The following ARL15 variants were observed in gnomAD, a reference collection of about 807,000 sequenced individuals.
The protein encoded by ARL15 is ADP-ribosylation factor-like protein 15.
A neutral mutation model predicts 25.2 loss-of-function variants in ARL15; 19 were observed. The observed-to-expected ratio is 0.75, with a 90% confidence interval of 0.53 to 1.10. ARL15 has a LOEUF of 1.10. Among genes scored for constraint, ARL15 ranks in the 50% least tolerant of loss-of-function variants. ARL15 has a pLI of 0.00. For synonymous variants in ARL15, 94 were observed against 86.8 expected, an observed-to-expected ratio of 1.08 and a Z score of -0.46; for missense variants, 220 against 246.0, an observed-to-expected ratio of 0.89 and a Z score of 0.71.
intron 4 of ARL15, among the ~76,000 whole-genome samples, chr5:53,975,992 G>A (rs1747908764): frequency 6.6e-6 from 1 of 152,172 alleles, no homozygotes; most frequent in South Asian, 2.1e-4. Context: ...TTGAAGATTC[G>A]CACATCCTGG....
chr5:54,007,204 T>C (rs1024905574), intron 4 of ARL15, among the ~76,000 whole-genome samples: 2 of 138,502 alleles, frequency 1.4e-5, no homozygotes, highest in Non-Finnish European at 3.2e-5. Context: ...ACTTCAGGTC[T>C]GTGGCTTTCT....
chr5:54,082,249 T>C (rs1751825725), intron 4 of ARL15, among the ~76,000 whole-genome samples: 1 of 152,114 alleles, frequency 6.6e-6, no homozygotes, highest in African/African-American at 2.4e-5. Flanking sequence ...TGAATGCAAA[T>C]CAAATACTAC....
At chr5:54,028,538 T>C (rs985647543) in intron 4 of ARL15, among the ~76,000 whole-genome samples, 13 of 150,594 alleles carry the variant, frequency 8.6e-5, no homozygotes, top group Non-Finnish European at 1.3e-4. Context: ...CACAACTGAA[T>C]GCAATAACAT....
intron 1 of ARL15, among the ~76,000 whole-genome samples, chr5:54,180,276 G>C (rs1755019457): frequency 6.6e-6 from 1 of 152,178 alleles, no homozygotes; most frequent in African/African-American, 2.4e-5. Context: ...GCATGTGAAG[G>C]AGAAGGTCTA....
chr5:53,976,992 C>G (rs1580134391), intron 4 of ARL15, among the ~76,000 whole-genome samples: 1 of 152,108 alleles, frequency 6.6e-6, no homozygotes, highest in East Asian at 1.9e-4. Context: ...AAGAGACTAA[C>G]AAAATAGTTT....
Position 54,171,828 on chromosome 5 carries a change from G to C in ARL15, c.149C>G (p.Ser50Cys). ...LTGSGKTSLL[S>C]KLCSESPDNV... ...ATCGGGGCTTTCACTGCAGAGTTTG[G>C]ACAACAGACTGGTTTTGCCAGAACC... The change falls in exon 2 of 5, where the codon TCC (serine) becomes TGC (cysteine). Residue 50 changes from serine (S) to cysteine (C), a missense_variant. Physicochemically the swap from Ser to Cys is moderately radical, Grantham distance 112. Transcript: ENST00000504924. The C allele has an allele frequency of 6.2e-7, 1 of 1,613,426 alleles. No individual in the cohort carries two copies. The highest frequency in any genetic ancestry group is 8.5e-7 in the Non-Finnish European group (1 of 1,179,634).
At chr5:54,070,426 C>T (rs1751383446) in intron 4 of ARL15, among the ~76,000 whole-genome samples, 1 of 152,054 alleles carries the variant, frequency 6.6e-6, no homozygotes, top group Admixed American at 6.6e-5. Flanking sequence ...CTCAGTTCAG[C>T]CCCCTTGCCA....
At chr5:53,887,367 T>A (rs1322138395) in intron 4 of ARL15, 1 of 701,384 alleles carries the variant, frequency 1.4e-6, no homozygotes, top group Non-Finnish European at 2.6e-6. Flanking sequence ...TTTTTTTCTT[T>A]TTCAGTCCTG....
At chr5:54,173,047 G>C (rs1216730538) in intron 1 of ARL15, among the ~76,000 whole-genome samples, 1 of 152,052 alleles carries the variant, frequency 6.6e-6, no homozygotes, top group African/African-American at 2.4e-5. Flanking sequence ...GCCAGGCATG[G>C]TGGCAGGCAC....
At chr5:54,076,296 C>T (rs156822) in intron 4 of ARL15, among the ~76,000 whole-genome samples, 53,430 of 151,564 alleles carry the variant, frequency 0.35, 11,633 homozygotes, top group Admixed American at 0.48. Context: ...TGGCAGGCGC[C>T]TGTAGTTCCA....
At chr5:53,907,486 A>AT (rs1175615384) in intron 4 of ARL15, among the ~76,000 whole-genome samples, 83 of 22,452 alleles carry the variant, frequency 3.7e-3, no homozygotes, top group East Asian at 6.0e-3. Flanking sequence ...ATATATATAT[A>AT]TATTTTTTTT....
chr5:54,202,481 A>T lies in ARL15; in HGVS notation c.49-30553T>A, dbSNP rs573774213. The stretch of plus-strand genomic sequence containing the variant: ...GAAAATGAAAAGGGGCCAATAGCCA[A>T]GGAATTCAGGCGACCCCTAGAAGCT... On this transcript the variant is annotated intron_variant, in intron 1 of 4. Coordinates refer to ENST00000504924, the MANE Select transcript of ARL15 (RefSeq NM_019087.3). Among the ~76,000 whole-genome samples the T allele has an allele frequency of 2.0e-5, 3 of 152,332 alleles. No individual in the cohort carries two copies. In the East Asian group the frequency reaches 5.8e-4, roughly 29 times the overall value.
intron 1 of ARL15, among the ~76,000 whole-genome samples, chr5:54,200,775 C>A (rs1755699913): frequency 6.6e-6 from 1 of 152,172 alleles, no homozygotes; most frequent in South Asian, 2.1e-4. Flanking sequence ...AGCACTTCAG[C>A]TGTTGATGGC....
chr5:54,310,294 C>T (rs1262679085), intron 1 of ARL15, 138 bp downstream of exon 1: 1 of 1,006,958 alleles, frequency 9.9e-7, no homozygotes, highest in African/African-American at 1.6e-5. Context: ...GAAAGGCTTA[C>T]CAGCCGGCTG....
chr5:54,289,375 AAGAG>A (rs909800736), intron 1 of ARL15, among the ~76,000 whole-genome samples: 3 of 151,902 alleles, frequency 2.0e-5, no homozygotes, highest in Non-Finnish European at 4.4e-5. Context: ...AAAAAAAAAA[AAGAG>A]AGAATGTGCA....
intron 1 of ARL15, among the ~76,000 whole-genome samples, chr5:54,239,351 T>C (rs985424299): frequency 1.3e-5 from 2 of 152,256 alleles, no homozygotes; most frequent in Admixed American, 6.5e-5. Context: ...TATGTATCAG[T>C]TGGAAAAGAC....
chr5:54,164,835 T>C (rs556706872), intron 2 of ARL15, among the ~76,000 whole-genome samples: 22 of 152,116 alleles, frequency 1.4e-4, no homozygotes, highest in African/African-American at 5.1e-4. Flanking sequence ...GTCTCTTAAT[T>C]AAGGAGTCTA....
chr5:54,075,638 C>A (rs772547306), intron 4 of ARL15: 3 of 152,086 alleles, frequency 2.0e-5, no homozygotes, highest in Non-Finnish European at 4.4e-5. Context: ...AGGTGTGCAC[C>A]ACCACACCTG....
intron 4 of ARL15, among the ~76,000 whole-genome samples, chr5:53,959,792 C>T (rs1349295534): frequency 6.6e-6 from 1 of 152,156 alleles, no homozygotes; most frequent in African/African-American, 2.4e-5. Context: ...ACTCCCTGCC[C>T]CACTGGCAAC....
Sources: allele counts gnomAD v4.1 joint callset (sites outside exome capture counted in the v4.1 genomes callset), GRCh38; gene constraint gnomAD v4.1.1; transcripts MANE v1.5; gene names NCBI Gene and HGNC (gene_info 2026-07-23, HGNC 2026-07-21).